AP1G1: variants seen among roughly 807,000 people sequenced by gnomAD.
The protein encoded by AP1G1 is adaptor related protein complex 1 subunit gamma 1.
Under a neutral mutation model 108.3 loss-of-function variants are expected in AP1G1, and 7 were observed. The observed-to-expected ratio is 0.06, with a 90% confidence interval of 0.04 to 0.12. The LOEUF (loss-of-function observed/expected upper bound fraction) is 0.12. Among genes scored for constraint, AP1G1 ranks in the 10% least tolerant of loss-of-function variants. The pLI, the probability that AP1G1 is intolerant of heterozygous loss-of-function variation, is 1.00. For missense variants in AP1G1, 756 were observed against 1,010.7 expected (o/e 0.75, Z 3.42); for synonymous variants, 379 against 353.5 (o/e 1.07, Z -0.81).
Position 71,734,718 on chromosome 16 carries a change from AC to A in AP1G1, c.2269-12del. The A allele has an allele frequency of 6.2e-7, 1 of 1,602,542 alleles. No individual in the cohort carries two copies. The highest frequency in any genetic ancestry group is 8.6e-7 in the Non-Finnish European group (1 of 1,169,572). ...CTGCAGCTGGAATGTCTAGGGGGGA[AC>A]AAAGGGCACTCTTCAGAAAAAGAAT... is the stretch of plus-strand genomic sequence containing the variant. On this transcript the variant is annotated splice_polypyrimidine_tract_variant and intron_variant, in intron 21 of 22. Transcript: ENST00000299980.
chr16:71,757,585 C>T (rs752141008), intron 11 of AP1G1, among the ~76,000 whole-genome samples: 4 of 152,136 alleles, frequency 2.6e-5, no homozygotes, highest in Admixed American at 6.6e-5. Context: ...ATTTATCCTG[C>T]ATAACCCTAT....
In AP1G1 at chr16:71,808,760, C is replaced by T. The variant is rs1157023585; in HGVS notation, c.-4+3G>A. On this transcript the variant is annotated splice_donor_region_variant and intron_variant, in intron 1 of 22. Coordinates refer to ENST00000299980, the MANE Select transcript of AP1G1 (RefSeq NM_001128.6). ...TGCTCTCAGCGCCGGGAGTGACACT[C>T]ACCGGCCCGAAACCTCGAATGAAAC... The T allele has an allele frequency of 7.8e-7, 1 of 1,289,616 alleles. No individual in the cohort carries two copies. Among genetic ancestry groups the T allele is most frequent in the South Asian group, 1.2e-5 (1 of 81,022 alleles). 79.9% of individuals were successfully genotyped at this position (1,289,616 alleles called of 1,614,324 possible).
At chr16:71,770,828 G>A (rs535922569) in intron 5 of AP1G1, among the ~76,000 whole-genome samples, 1 of 152,262 alleles carries the variant, frequency 6.6e-6, no homozygotes, top group Non-Finnish European at 1.5e-5. Context: ...TTGTAAAATA[G>A]GCAAGAAATC....
chr16:71,790,426 G>T (rs916462655), intron 1 of AP1G1, among the ~76,000 whole-genome samples: 3 of 151,342 alleles, frequency 2.0e-5, no homozygotes, highest in African/African-American at 7.3e-5. Flanking sequence ...TGTAATCCCA[G>T]CTACTCAGGA....
At chr16:71,782,712 T>C (rs1445728150) in intron 2 of AP1G1, among the ~76,000 whole-genome samples, 1 of 151,750 alleles carries the variant, frequency 6.6e-6, no homozygotes, top group Non-Finnish European at 1.5e-5. Flanking sequence ...GGTATTGAAC[T>C]CCTGACCTCG....
chr16:71,762,763 C>G (rs1405742261), intron 9 of AP1G1, among the ~76,000 whole-genome samples: 1 of 152,166 alleles, frequency 6.6e-6, no homozygotes, highest in Non-Finnish European at 1.5e-5. Context: ...AACCAGCAAG[C>G]ATAAGTAAAG....
chr16:71,791,030 G>C (rs1418676910), intron 1 of AP1G1, among the ~76,000 whole-genome samples: 2 of 152,030 alleles, frequency 1.3e-5, no homozygotes, highest in Non-Finnish European at 2.9e-5. Context: ...AAACCAGCCT[G>C]GCCAACATTG....
intron 22 of AP1G1, 55 bp from the exon 23 acceptor site, chr16:71,733,214 C>G: frequency 7.3e-7 from 1 of 1,375,530 alleles, no homozygotes; most frequent in Non-Finnish European, 1.0e-6. Flanking sequence ...TCTCCAGAAT[C>G]TGTCCGGTCC....
intron 4 of AP1G1, among the ~76,000 whole-genome samples, chr16:71,772,639 G>A (rs1002568933): frequency 6.6e-6 from 1 of 152,024 alleles, no homozygotes; most frequent in African/African-American, 2.4e-5. Context: ...TTAATAGAGA[G>A]GCACAGTAAA....
At chr16:71,807,380 C>T (rs1315062108) in intron 1 of AP1G1, among the ~76,000 whole-genome samples, 4 of 152,154 alleles carry the variant, frequency 2.6e-5, no homozygotes, top group Middle Eastern at 6.4e-3. Context: ...TGCAGTGAGC[C>T]GAGACCGTGC....
At position 71,808,796 on chromosome 16, in the gene AP1G1, G is replaced by A. The variant is rs1035866294; in HGVS notation, c.-37C>T. 1.0e-5 allele frequency: 13 copies of A among 1,289,510 alleles called. No individual in the cohort carries two copies. The highest frequency in any genetic ancestry group is 1.2e-5 in the South Asian group (1 of 81,014). The allele number at this position is 1,289,510 out of a possible 1,614,324, so 79.9% of individuals were successfully genotyped here. A position where few individuals can be genotyped will look rare whatever the true frequency, so the allele number is the denominator to read the frequency against. On this transcript the variant is annotated 5_prime_UTR_variant, in exon 1 of 23. Coordinates refer to ENST00000299980, the MANE Select transcript of AP1G1 (RefSeq NM_001128.6). The stretch of plus-strand genomic sequence containing the variant: ...AACCTCGAATGAAACCAGCAGCTCC[G>A]GGGGCGGCGGCAGCAGTGGCAGCAG...
At chr16:71,770,950 T>G (rs1372905287) in intron 5 of AP1G1, among the ~76,000 whole-genome samples, 1 of 152,146 alleles carries the variant, frequency 6.6e-6, no homozygotes, top group Non-Finnish European at 1.5e-5. Context: ...AAAGATAAGT[T>G]TACTATGAAG....
At position 71,739,291 on chromosome 16, in the gene AP1G1, G is replaced by A. The variant is rs368123748; in HGVS notation, c.2050C>T (p.Pro684Ser). 2.2e-5 allele frequency: 36 copies of A among 1,612,548 alleles called. No individual in the cohort carries two copies. The highest frequency in any genetic ancestry group is 2.8e-5 in the Non-Finnish European group (33 of 1,179,698). Residue 684 changes from proline (P) to serine (S), a missense_variant, in exon 20 of 23, where the codon CCC becomes TCC. By Grantham distance (74) the Pro-to-Ser change is moderately conservative (BLOSUM62 -1). Transcript: ENST00000299980. ...GAAAGCCCATCCAACAAGAAGGGGG[G>A]CTGGGATATCTGTGGGACTGAGGCA... ...APASVPQISQ[P>S]PFLLDGLSSQ...
At chr16:71,741,644 C>T (rs181516280) in intron 19 of AP1G1, among the ~76,000 whole-genome samples, 5 of 152,214 alleles carry the variant, frequency 3.3e-5, no homozygotes, top group Admixed American at 3.3e-4. Context: ...ATACGGATGG[C>T]TAAGCAAGCA....
chr16:71,733,067 G>A lies in AP1G1; in HGVS notation c.2460C>T (p.Ser820=). Residue 820 remains serine (S), a synonymous_variant, in exon 23 of 23, where the codon TCC becomes TCT. Transcript: ENST00000299980. ...GAATGGTGCCAAACCCTCATTGCCA[G>A]GACTGAGGGGGAAAGTTGTTCACCT... ...LAEVNNFPPQ[S]WQ is the part of the protein sequence containing the mutation. The A allele has an allele frequency of 6.2e-7, 1 of 1,612,986 alleles. No individual in the cohort carries two copies. The highest frequency in any genetic ancestry group is 8.5e-7 in the Non-Finnish European group (1 of 1,179,022).
chr16:71,802,263 G>A (rs1025121423), intron 1 of AP1G1, among the ~76,000 whole-genome samples: 6 of 152,164 alleles, frequency 3.9e-5, no homozygotes, highest in African/African-American at 9.6e-5. Flanking sequence ...CAAAAGAAGC[G>A]TTTTTTACTT....
At chr16:71,803,120 A>G (rs1054700114) in intron 1 of AP1G1, among the ~76,000 whole-genome samples, 2 of 151,826 alleles carry the variant, frequency 1.3e-5, no homozygotes, top group Admixed American at 6.6e-5. Context: ...GAGGCTGAGC[A>G]CAAGAATCGC....
chr16:71,748,470 A>G (rs1039131751), intron 15 of AP1G1, 92 bp from the exon 16 acceptor site: 1 of 1,394,750 alleles, frequency 7.2e-7, no homozygotes, highest in Middle Eastern at 2.3e-4. Flanking sequence ...GCAGCCAGAA[A>G]GACAATCCTA....
intron 2 of AP1G1, among the ~76,000 whole-genome samples, chr16:71,774,934 T>C (rs1237866713): frequency 1.3e-5 from 2 of 151,410 alleles, no homozygotes; most frequent in East Asian, 3.9e-4. Context: ...TTGGTCAGGC[T>C]GGTCTCAAAC....
Sources: gnomAD v4.1 joint callset for allele counts (sites outside exome capture counted in the v4.1 genomes callset) on GRCh38, gnomAD v4.1.1 for gene constraint, MANE v1.5 for transcripts, NCBI Gene and HGNC (gene_info 2026-07-23, HGNC 2026-07-21) for gene names.